UBR4: variants seen among roughly 807,000 people sequenced by gnomAD.
UBR4 encodes the protein E3 ubiquitin-protein ligase UBR4.
UBR4 carries 124 observed loss-of-function variants against 575.6 expected under a neutral mutation model. The ratio of observed to expected loss-of-function variants is 0.22; its 90% confidence interval spans 0.19 to 0.25. The LOEUF is 0.25. UBR4 is among the 10% of genes least tolerant of loss of function. The pLI, the probability that UBR4 is intolerant of heterozygous loss-of-function variation, is 1.00. For synonymous variants in UBR4, 2,455 were observed against 2,473.7 expected, an observed-to-expected ratio of 0.99 and a Z score of 0.22; for missense variants, 4,818 against 6,478.8, an observed-to-expected ratio of 0.74 and a Z score of 8.80.
chr1:19,109,818 G>A (rs2079642153), intron 81 of UBR4, among the ~76,000 whole-genome samples: 1 of 152,240 alleles, frequency 6.6e-6, no homozygotes, highest in Non-Finnish European at 1.5e-5. Context: ...ATGCTTTCTG[G>A]GGGCTGCAAG....
At position 19,129,062 on chromosome 1, in the gene UBR4, G is replaced by A. The variant is rs1020713120; in HGVS notation, c.8919C>T (p.Val2973=). The change falls in exon 61 of 106, where the codon GTC becomes GTT. Residue 2973 remains valine, a synonymous_variant. Coordinates refer to ENST00000375254, the MANE Select transcript of UBR4 (RefSeq NM_020765.3). ...GTAATCTCTCCAACAGCATTAGACG[G>A]ACCATGTGCAGCCTAAAAGGGTGGG... The part of the protein sequence containing the change: ...DVHTSNRLHM[V]RLMLLERLLQ... 15 of 1,614,018 alleles carry A rather than the reference G, an allele frequency of 9.3e-6. No individual in the cohort carries two copies. The East Asian group carries it at 3.3e-4, about 36-fold the overall frequency.
At chr1:19,112,457 C>T (rs1412424385) in intron 78 of UBR4, 67 bp downstream of exon 78, 19 of 1,523,044 alleles carry the variant, frequency 1.2e-5, no homozygotes, top group East Asian at 4.5e-5. Context: ...CACTCTCTAA[C>T]GCTCCTGGCA....
rs773986264 is a variant in UBR4 at position 19,127,785 on chromosome 1, T to C, written c.9112-46A>G. 5.4e-6 allele frequency: 8 copies of C among 1,483,294 alleles called. No homozygotes were observed. In the South Asian group the frequency reaches 9.1e-5, roughly 17 times the overall value. 91.9% of individuals were successfully genotyped at this position (1,483,294 alleles called of 1,614,324 possible). On this transcript the variant is annotated intron_variant, in intron 62 of 105. Transcript: ENST00000375254. ...CCAGAAACCTCTACTTACTCGATGCTTGAGGCATCCTCTGAACAAGATCCC... is the reference window on the plus strand; with the variant it reads ...CCAGAAACCTCTACTTACTCGATGCCTGAGGCATCCTCTGAACAAGATCCC...
In UBR4 at chr1:19,112,759, ACTGG is replaced by A. The variant is rs2080040535; in HGVS notation, c.11562_11565del (p.Gln3855ThrfsTer41). On this transcript the variant is annotated frameshift_variant, in exon 78 of 106. Transcript: ENST00000375254. LOFTEE classifies it high-confidence loss of function. ...CAGCCCAGGACGGATAAGGCACGGTACTGGCTGGCAGTGAATGTGGGCTGCACGG... is the reference window on the plus strand; with the variant it reads ...CAGCCCAGGACGGATAAGGCACGGTACTGGCAGTGAATGTGGGCTGCACGG... 1 of 1,614,102 alleles carries A rather than the reference ACTGG, an allele frequency of 6.2e-7. No homozygotes were observed. The highest frequency in any genetic ancestry group is 1.7e-5 in the Admixed American group (1 of 60,014).
intron 101 of UBR4, 139 bp downstream of exon 101, chr1:19,086,006 C>G: frequency 7.5e-7 from 1 of 1,340,558 alleles, no homozygotes; most frequent in Non-Finnish European, 1.0e-6. Context: ...GACAGCTCCC[C>G]AGTCAGCAAG....
chr1:19,145,878 A>T lies in UBR4; in HGVS notation c.7860T>A (p.Ser2620Arg). Reference protein sequence around the residue: ...PQKQLEGDCCSFITQLVNHFW... With the variant: ...PQKQLEGDCCRFITQLVNHFW... ...AGTGGTTCACAAGCTGGGTGATGAA[A>T]CTACAGCAATCTCCTTCCAACTGCT... The change falls in exon 53 of 106, where the codon AGT (serine) becomes AGA (arginine). Residue 2620 changes from serine (S) to arginine (R), a missense_variant. By Grantham distance (110) the Ser-to-Arg change is moderately radical. Coordinates refer to ENST00000375254, the MANE Select transcript of UBR4 (RefSeq NM_020765.3). 6.2e-7 allele frequency: 1 copy of T among 1,614,240 alleles called. No homozygotes were observed. Among genetic ancestry groups the T allele is most frequent in the Middle Eastern group, 1.6e-4 (1 of 6,062 alleles).
At chr1:19,132,605 T>TAAAAAAAAAAAAAAAAAAAAAAAAGAA in intron 60 of UBR4, among the ~76,000 whole-genome samples, 2 of 24,124 alleles carry the variant, frequency 8.3e-5, no homozygotes, top group Non-Finnish European at 7.6e-5. Flanking sequence ...TAAAAAATGG[T>TAAAAAAAAAAAAAAAAAAAAAAAAGAA]AAAAAAAAAA....
chr1:19,093,892 T>C lies in UBR4; in HGVS notation c.13937+57A>G, dbSNP rs536408763. The C allele has an allele frequency of 7.1e-5, 111 of 1,554,108 alleles. 1 individual carries two copies. In the African/African-American group the frequency reaches 9.1e-4, roughly 13 times the overall value. ...AGGATTCTTCCTCATCTCACAGACC[T>C]AGTTCGGCGTTTTAGTGGAGACTCT... On this transcript the variant is annotated intron_variant, in intron 95 of 105. Coordinates refer to ENST00000375254, the MANE Select transcript of UBR4 (RefSeq NM_020765.3). This position sits in a 1 kb window ranked among gnomAD's most constrained non-coding sequence, Gnocchi z 4.8.
At chr1:19,124,880 A>T (rs746605094) in intron 64 of UBR4, among the ~76,000 whole-genome samples, 190 bp from the exon 65 acceptor site, 3 of 152,184 alleles carry the variant, frequency 2.0e-5, no homozygotes, top group Non-Finnish European at 4.4e-5. Context: ...GGCCAATTTA[A>T]TTACATGCAA....
At chr1:19,118,732 G>A in intron 71 of UBR4, 140 bp downstream of exon 71, 2 of 761,078 alleles carry the variant, frequency 2.6e-6, no homozygotes, top group Non-Finnish European at 4.4e-6. Flanking sequence ...CCTACATGGA[G>A]GGGATTGGAA....
chr1:19,084,247 C>CA (rs1439255650), intron 102 of UBR4, among the ~76,000 whole-genome samples: 1 of 152,252 alleles, frequency 6.6e-6, no homozygotes, highest in Non-Finnish European at 1.5e-5. Flanking sequence ...AGCTGAACGT[C>CA]AGTCCAAGGA....
At position 19,110,015 on chromosome 1, in the gene UBR4, G is replaced by A. The variant is rs1313186456; in HGVS notation, c.12105+81C>T. 6.3e-7 allele frequency: 1 copy of A among 1,594,148 alleles called. No individual in the cohort carries two copies. The highest frequency in any genetic ancestry group is 8.6e-7 in the Non-Finnish European group (1 of 1,169,298). ...GGGCTCAAGGCAAAGCGGAGACCAT[G>A]AGGAGGCAGGGCACACTGCCAGGGA... On this transcript the variant is annotated intron_variant, in intron 81 of 105. Transcript: ENST00000375254. The surrounding 1 kb of genome is among the most constrained non-coding windows in gnomAD (Gnocchi z 4.5).
chr1:19,128,420 A>G lies in UBR4; in HGVS notation c.9004-102T>C, dbSNP rs1342577279. On this transcript the variant is annotated intron_variant, in intron 61 of 105. Transcript: ENST00000375254. ...AAATCCTAATCTTCCTGACATCCCT[A>G]TCAATCATAACTGTAATCCATTATA... The G allele has an allele frequency of 3.1e-6, 3 of 966,662 alleles. No individual in the cohort carries two copies. The East Asian group carries it at 7.3e-5, about 24-fold the overall frequency. The allele number at this position is 966,662 out of a possible 1,614,324, so 59.9% of individuals were successfully genotyped here.
rs912786702 is a variant in UBR4 at position 19,185,343 on chromosome 1, G to T, written c.1751-57C>A. ...AATATTTTTTAAAAGTGTTTTTGGT[G>T]CATCTGCTTCCTAAAAGTACTTAAG... On this transcript the variant is annotated intron_variant, in intron 14 of 105. Transcript: ENST00000375254. 4.7e-6 allele frequency: 7 copies of T among 1,475,862 alleles called. No individual in the cohort carries two copies. The African/African-American group carries it at 8.5e-5, about 18-fold the overall frequency. 91.4% of individuals were successfully genotyped at this position (1,475,862 alleles called of 1,614,324 possible). A position where few individuals can be genotyped will look rare whatever the true frequency, so the allele number is the denominator to read the frequency against.
chr1:19,120,499 T>C, intron 68 of UBR4, 151 bp from the exon 69 acceptor site: 3 of 1,010,362 alleles, frequency 3.0e-6, no homozygotes, highest in Non-Finnish European at 2.8e-6. Flanking sequence ...AATTTTTAGT[T>C]GTTTACTGGG....
chr1:19,169,285 C>T (rs2150811629), intron 27 of UBR4, 150 bp downstream of exon 27: 1 of 560,206 alleles, frequency 1.8e-6, no homozygotes, highest in Non-Finnish European at 2.9e-6. Flanking sequence ...TGATTAAATG[C>T]ATTGATTAAT....
intron 1 of UBR4, 40 bp from the exon 2 acceptor site, chr1:19,201,855 G>A (rs1234156307): frequency 1.2e-5 from 19 of 1,571,844 alleles, no homozygotes; most frequent in East Asian, 4.5e-5. Context: ...TCTGCTTAGC[G>A]CTTACTATGT....
rs116561191 is a variant in UBR4, at chr1:19,114,395, G to A, written c.11203-325C>T. On this transcript the variant is annotated intron_variant, in intron 75 of 105. Transcript: ENST00000375254. ...TAAATGTTCTTCTGTTAACCCTATA[G>A]GTGCCCCTTTTTCACTGTTCTTTAA... Among the ~76,000 whole-genome samples the A allele has an allele frequency of 1.9e-3, 294 of 152,236 alleles. 1 individual carries two copies. The highest frequency in any genetic ancestry group is 6.8e-3 in the African/African-American group (281 of 41,532).
At position 19,100,565 on chromosome 1, in the gene UBR4, A is replaced by C; in HGVS notation, c.13032T>G (p.Asn4344Lys). The C allele has an allele frequency of 1.2e-6, 2 of 1,613,994 alleles. No individual in the cohort carries two copies. The highest frequency in any genetic ancestry group is 1.7e-6 in the Non-Finnish European group (2 of 1,179,974). The stretch of plus-strand genomic sequence containing the variant: ...GGGTCACAAAGAACTCAGTGACTTC[A>C]TTCTCCTCCTGGAGGACAGACAGAA... ...RLCSIIYPEENEVTEFFVTLE... is the reference protein window; with the variant it reads ...RLCSIIYPEEKEVTEFFVTLE... Residue 4344 changes from asparagine (N) to lysine (K), a missense_variant, in exon 89 of 106, where the codon AAT becomes AAG. By Grantham distance (94) the Asn-to-Lys change is moderately conservative. Transcript: ENST00000375254. The surrounding 1 kb of genome is among the most constrained non-coding windows in gnomAD (Gnocchi z 4.2).
Sources: gnomAD v4.1 joint callset for allele counts (sites outside exome capture counted in the v4.1 genomes callset) on GRCh38, gnomAD v4.1.1 for gene constraint, Gnocchi (gnomAD v3.1) non-coding constraint, MANE v1.5 for transcripts, NCBI Gene and HGNC (gene_info 2026-07-23, HGNC 2026-07-21) for gene names.